Variants in IPO7 observed in about 807,000 individuals in gnomAD.
The protein encoded by IPO7 is importin-7.
Under a neutral mutation model 136.4 loss-of-function variants are expected in IPO7, and 13 were observed. The ratio of observed to expected loss-of-function variants is 0.10; its 90% CI spans 0.06 to 0.15. IPO7 has a LOEUF of 0.15. IPO7 is among the 10% of genes least tolerant of loss of function. The probability of loss-of-function intolerance (pLI) is 1.00; values close to 1 mark genes in which losing one functional copy is unlikely to be tolerated. For synonymous variants in IPO7, 403 were observed against 404.4 expected (o/e 1.00, Z 0.04); for missense variants, 857 against 1,240.6 (o/e 0.69, Z 4.65).
chr11:9,391,893 A>G (rs1361984113), intron 1 of IPO7, among the ~76,000 whole-genome samples: 2 of 152,016 alleles, frequency 1.3e-5, no homozygotes, highest in Admixed American at 6.6e-5. Flanking sequence ...TAGCCTCCCA[A>G]CTAGCTGGGA....
chr11:9,419,559 A>AAAAAAAAAAAT (rs1256216265), intron 6 of IPO7, among the ~76,000 whole-genome samples: 4 of 116,866 alleles, frequency 3.4e-5, no homozygotes, highest in African/African-American at 1.5e-4. Flanking sequence ...AAAAAAAAAA[A>AAAAAAAAAAAT]ATATATATAT....
chr11:9,391,263 G>A (rs544928378), intron 1 of IPO7, among the ~76,000 whole-genome samples: 12 of 152,114 alleles, frequency 7.9e-5, no homozygotes, highest in Admixed American at 2.0e-4. Flanking sequence ...GCCGGGTGTG[G>A]TGGTGGGTGC....
At chr11:9,387,293 A>G (rs1676524951) in intron 1 of IPO7, among the ~76,000 whole-genome samples, 1 of 152,240 alleles carries the variant, frequency 6.6e-6, no homozygotes, top group Admixed American at 6.5e-5. Context: ...AAATGTTATT[A>G]AAGTGTTTAT....
At chr11:9,414,194 A>T in intron 4 of IPO7, 61 bp from the exon 5 acceptor site, 1 of 1,234,846 alleles carries the variant, frequency 8.1e-7, no homozygotes, top group Non-Finnish European at 1.1e-6. Flanking sequence ...TGCATAGTTT[A>T]AATATATATA....
chr11:9,387,157 T>G (rs889603902), intron 1 of IPO7, among the ~76,000 whole-genome samples: 7 of 152,222 alleles, frequency 4.6e-5, no homozygotes, highest in Non-Finnish European at 1.0e-4. Context: ...AACGAATTAT[T>G]CTATGATGTC....
intron 24 of IPO7, among the ~76,000 whole-genome samples, chr11:9,443,275 G>C (rs1040520873): frequency 6.6e-6 from 1 of 152,020 alleles, no homozygotes; most frequent in Admixed American, 6.6e-5. Context: ...GTGATGGTTA[G>C]ATAGTAGAAA....
chr11:9,404,113 A>T (rs150668310), intron 2 of IPO7, among the ~76,000 whole-genome samples: 2 of 152,326 alleles, frequency 1.3e-5, no homozygotes, highest in Admixed American at 6.5e-5. Context: ...TTCTAGAAAA[A>T]CAGATTACAT....
At chr11:9,396,251 G>A (rs1854707010) in intron 1 of IPO7, among the ~76,000 whole-genome samples, 1 of 151,850 alleles carries the variant, frequency 6.6e-6, no homozygotes, top group African/African-American at 2.4e-5. Flanking sequence ...AAAATTAGCT[G>A]GGCGTAGCAG....
chr11:9,419,795 T>A (rs746042658), intron 6 of IPO7, among the ~76,000 whole-genome samples: 1 of 151,956 alleles, frequency 6.6e-6, no homozygotes, highest in Non-Finnish European at 1.5e-5. Flanking sequence ...TGAAACTAGA[T>A]TTCTGAAATG....
Position 9,446,546 on chromosome 11 carries a change from C to T in IPO7, c.*1352C>T, listed in dbSNP as rs904102075. 5 of 152,070 alleles carry T rather than the reference C, an allele frequency of 3.3e-5. No homozygotes were observed. The highest frequency in any genetic ancestry group is 4.8e-5 in the African/African-American group (2 of 41,398). The allele number at this position is 152,070 out of a possible 1,614,324, so 9.4% of individuals were successfully genotyped here. ...CCTAACTGCATGTTGAAAAATAAGCCGTTATTGATCTTAAACATCGGTCAG... is the reference window on the plus strand; with the variant it reads ...CCTAACTGCATGTTGAAAAATAAGCTGTTATTGATCTTAAACATCGGTCAG... On this transcript the variant is annotated 3_prime_UTR_variant, in exon 25 of 25. Coordinates refer to ENST00000379719, the MANE Select transcript of IPO7 (RefSeq NM_006391.3).
intron 2 of IPO7, among the ~76,000 whole-genome samples, chr11:9,404,651 C>T (rs530672683): frequency 3.3e-5 from 5 of 149,914 alleles, no homozygotes; most frequent in African/African-American, 9.8e-5. Flanking sequence ...CTGCAAGCTC[C>T]GCCTCCCGTG....
At chr11:9,400,392 A>G (rs1854775543) in intron 1 of IPO7, among the ~76,000 whole-genome samples, 1 of 152,028 alleles carries the variant, frequency 6.6e-6, no homozygotes, top group South Asian at 2.1e-4. Context: ...AGCTGCTGGC[A>G]TAATGTCTTA....
At chr11:9,396,215 G>A (rs1854706437) in intron 1 of IPO7, among the ~76,000 whole-genome samples, 2 of 151,964 alleles carry the variant, frequency 1.3e-5, no homozygotes, top group South Asian at 2.1e-4. Flanking sequence ...GGCCAGCATG[G>A]TGAAAACGCC....
rs1433047910 is a variant in IPO7, at chr11:9,438,170, G to A, written c.2580G>A (p.Gln860=). ...AAGTTTTAAATCAGGTTTCTGGACAGATTTTGCCGGCTTTTATCCTTTTAT... is the reference window on the plus strand; with the variant it reads ...AAGTTTTAAATCAGGTTTCTGGACAAATTTTGCCGGCTTTTATCCTTTTAT... ...IPQVLNQVSG[Q]ILPAFILLFN... The change falls in exon 22 of 25, where the codon CAG becomes CAA. Residue 860 remains glutamine (Q), a synonymous_variant. Coordinates refer to ENST00000379719, the MANE Select transcript of IPO7 (RefSeq NM_006391.3). The A allele has an allele frequency of 1.3e-5, 21 of 1,598,086 alleles. No homozygotes were observed. Among genetic ancestry groups the A allele is most frequent in the Non-Finnish European group, 1.8e-5 (21 of 1,174,042 alleles).
chr11:9,399,060 C>A (rs576098222), intron 1 of IPO7, among the ~76,000 whole-genome samples: 40 of 151,900 alleles, frequency 2.6e-4, no homozygotes, highest in Admixed American at 9.2e-4. Flanking sequence ...TTTAAAAGAT[C>A]TTTGGCTGCT....
chr11:9,394,745 T>G (rs1366706193), intron 1 of IPO7, among the ~76,000 whole-genome samples: 1 of 152,176 alleles, frequency 6.6e-6, no homozygotes, highest in Non-Finnish European at 1.5e-5. Context: ...CAACATAACT[T>G]CATACTGATC....
At chr11:9,418,475 A>T (rs1300953859) in intron 6 of IPO7, among the ~76,000 whole-genome samples, 1 of 152,184 alleles carries the variant, frequency 6.6e-6, no homozygotes, top group Non-Finnish European at 1.5e-5. Flanking sequence ...TATGTAATTT[A>T]TCCAATATAA....
intron 22 of IPO7, among the ~76,000 whole-genome samples, chr11:9,439,489 C>T (rs905544765): frequency 2.6e-5 from 4 of 152,076 alleles, no homozygotes; most frequent in Admixed American, 2.6e-4. Flanking sequence ...TAGTGCTTGG[C>T]AGATGGCACT....
At chr11:9,426,392 A>C (rs1855208691) in intron 12 of IPO7, among the ~76,000 whole-genome samples, 1 of 152,184 alleles carries the variant, frequency 6.6e-6, no homozygotes, top group African/African-American at 2.4e-5. Flanking sequence ...TCATTATATT[A>C]ATATACCACA....
Sources: gnomAD v4.1 joint callset for allele counts (sites outside exome capture counted in the v4.1 genomes callset) on GRCh38, gnomAD v4.1.1 for gene constraint, MANE v1.5 for transcripts, NCBI Gene and HGNC (gene_info 2026-07-23, HGNC 2026-07-21) for gene names.